Variants in SLC47A2 observed in about 807,000 individuals in gnomAD.
SLC47A2 encodes the protein multidrug and toxin extrusion protein 2.
Under a neutral mutation model 67.7 loss-of-function variants are expected in SLC47A2, and 52 were observed. The ratio of observed to expected loss-of-function variants is 0.77; its 90% CI spans 0.61 to 0.97. The LOEUF is 0.97. Among genes scored for constraint, SLC47A2 ranks in the 50% least tolerant of loss-of-function variants. The probability of loss-of-function intolerance (pLI) is 0.00; values close to 1 mark genes in which losing one functional copy is unlikely to be tolerated. For missense variants in SLC47A2, 676 were observed against 712.3 expected (o/e 0.95, Z 0.58); for synonymous variants, 278 against 292.9 (o/e 0.95, Z 0.52).
intron 11 of SLC47A2, among the ~76,000 whole-genome samples, chr17:19,703,769 G>T (rs900868436): frequency 6.6e-6 from 1 of 152,210 alleles, no homozygotes; most frequent in Admixed American, 6.5e-5. Flanking sequence ...GTCAGGGTTT[G>T]CTCTAAGGTA....
chr17:19,681,264 G>A lies in SLC47A2; in HGVS notation c.1392+103C>T, dbSNP rs147637364. On this transcript the variant is annotated intron_variant, in intron 15 of 16. Coordinates refer to ENST00000433844, the MANE Select transcript of SLC47A2 (RefSeq NM_001099646.3). The stretch of plus-strand genomic sequence containing the variant: ...CACCTGCAGCTTATACCACACTGCT[G>A]CCAAGTTCTGATGTGCTCTGGGCAT... The A allele has an allele frequency of 6.5e-6, 6 of 921,682 alleles. No homozygotes were observed. The African/African-American group carries it at 6.7e-5, about 10-fold the overall frequency. The allele number at this position is 921,682 out of a possible 1,614,324, so 57.1% of individuals were successfully genotyped here.
rs74454709 is a variant in SLC47A2 at position 19,708,332 on chromosome 17, G to A, written c.599C>T (p.Ala200Val). ...CCCCAGGTTCAGCACAGAAACCAGG[G>A]CATAGTTGGCCACACCGTTGACACA... Reference protein sequence around the residue: ...GNCVNGVANYALVSVLNLGVR... With the variant: ...GNCVNGVANYVLVSVLNLGVR... The change falls in exon 7 of 17, where the codon GCC becomes GTC. Residue 200 changes from alanine (A) to valine (V), a missense_variant. Coordinates refer to ENST00000433844, the MANE Select transcript of SLC47A2 (RefSeq NM_001099646.3). 45 of 1,613,446 alleles carry A rather than the reference G, an allele frequency of 2.8e-5. No homozygotes were observed. The East Asian group carries it at 9.4e-4, about 34-fold the overall frequency.
rs2085860180 is a variant in SLC47A2 at position 19,704,057 on chromosome 17, G to A, written c.1018+13C>T. The A allele has an allele frequency of 6.3e-7, 1 of 1,592,004 alleles. No homozygotes were observed. The highest frequency in any genetic ancestry group is 8.5e-7 in the Non-Finnish European group (1 of 1,171,348). Reference sequence around the variant, plus strand: ...CAACGTTTGAAGGCCCACCAGGAGAGGACTCCACCTACCTATGCTGAGCAC... The same window carrying A: ...CAACGTTTGAAGGCCCACCAGGAGAAGACTCCACCTACCTATGCTGAGCAC... On this transcript the variant is annotated intron_variant, in intron 11 of 16. Coordinates refer to ENST00000433844, the MANE Select transcript of SLC47A2 (RefSeq NM_001099646.3).
rs1243732459 is a variant in SLC47A2, at chr17:19,704,566, T to TAA, written c.910-390_910-389dup. 4 of 1,333,722 alleles carry TAA rather than the reference T, an allele frequency of 3.0e-6. No homozygotes were observed. In the Admixed American group the frequency reaches 8.3e-5, roughly 28 times the overall value. The allele number at this position is 1,333,722 out of a possible 1,614,324, so 82.6% of individuals were successfully genotyped here. The stretch of plus-strand genomic sequence containing the variant: ...TTTCAGCAGAAACCACTTGTAAAAA[T>TAA]AAGAATCTCTAAATTGATTTTGTAA... On this transcript the variant is annotated intron_variant, in intron 10 of 16. Coordinates refer to ENST00000433844, the MANE Select transcript of SLC47A2 (RefSeq NM_001099646.3).
At chr17:19,690,665 G>T (rs1451531453) in intron 13 of SLC47A2, among the ~76,000 whole-genome samples, 1 of 152,104 alleles carries the variant, frequency 6.6e-6, no homozygotes, top group Non-Finnish European at 1.5e-5. Flanking sequence ...CTCAAAAGAA[G>T]ACATACAAAT....
intron 13 of SLC47A2, among the ~76,000 whole-genome samples, chr17:19,695,460 G>T: frequency 7.5e-6 from 1 of 133,644 alleles, no homozygotes; most frequent in Non-Finnish European, 1.5e-5. Context: ...TCCAGCCTGG[G>T]CAACAGAGTG....
At chr17:19,702,164 AG>A (rs1270717737) in intron 13 of SLC47A2, 2 of 984,870 alleles carry the variant, frequency 2.0e-6, no homozygotes, top group Non-Finnish European at 2.4e-6. Flanking sequence ...CCTGTCCTTT[AG>A]TGATCAAAGG....
At chr17:19,686,604 A>T (rs1397214320) in intron 13 of SLC47A2, among the ~76,000 whole-genome samples, 2 of 152,226 alleles carry the variant, frequency 1.3e-5, no homozygotes, top group Non-Finnish European at 2.9e-5. Context: ...AAAGAGATGG[A>T]AAAAGATATT....
chr17:19,710,704 C>T (rs186738068), intron 5 of SLC47A2, among the ~76,000 whole-genome samples: 31 of 152,248 alleles, frequency 2.0e-4, no homozygotes, highest in African/African-American at 7.5e-4. Flanking sequence ...CTGCCCGCCT[C>T]AGCCTCCCAA....
intron 13 of SLC47A2, chr17:19,692,413 T>G (rs1210829129): frequency 2.0e-5 from 7 of 352,374 alleles, no homozygotes; most frequent in Non-Finnish European, 2.7e-5. Context: ...AAGAGCAACT[T>G]CATGCAAAGG....
intron 13 of SLC47A2, among the ~76,000 whole-genome samples, chr17:19,700,458 C>G (rs996357557): frequency 6.6e-6 from 1 of 152,174 alleles, no homozygotes; most frequent in Non-Finnish European, 1.5e-5. Flanking sequence ...GGGAGGCATA[C>G]TTAATTTCTT....
chr17:19,690,523 T>C (rs2152342764), intron 13 of SLC47A2, among the ~76,000 whole-genome samples: 1 of 152,244 alleles, frequency 6.6e-6, no homozygotes, highest in East Asian at 1.9e-4. Context: ...AAACTATCAA[T>C]CTGATGAGAG....
chr17:19,692,960 AT>A (rs2085576202), intron 13 of SLC47A2, among the ~76,000 whole-genome samples: 1 of 151,910 alleles, frequency 6.6e-6, no homozygotes, highest in Non-Finnish European at 1.5e-5. Flanking sequence ...GTGAAATCCC[AT>A]CTCTACTCAA....
chr17:19,694,137 T>C (rs1353873281), intron 13 of SLC47A2, among the ~76,000 whole-genome samples: 2 of 152,194 alleles, frequency 1.3e-5, no homozygotes, highest in Non-Finnish European at 2.9e-5. Flanking sequence ...TCTAAATAAC[T>C]AGAGACATTC....
intron 9 of SLC47A2, among the ~76,000 whole-genome samples, chr17:19,706,322 C>A (rs1389555302): frequency 3.3e-5 from 5 of 152,252 alleles, no homozygotes; most frequent in African/African-American, 1.2e-4. Context: ...GAATCTCTCA[C>A]TCCTCCGTGC....
At chr17:19,708,151 AAGGG>A (rs2085995343) in intron 7 of SLC47A2, 147 bp downstream of exon 7, 1 of 851,400 alleles carries the variant, frequency 1.2e-6, no homozygotes, top group East Asian at 2.7e-5. Flanking sequence ...TGAGGTCCCC[AAGGG>A]ACCATCAGGC....
At chr17:19,716,046 A>T (rs1384716915) in intron 1 of SLC47A2, 1 of 185,872 alleles carries the variant, frequency 5.4e-6, no homozygotes, top group African/African-American at 2.4e-5. Flanking sequence ...TGTATTTAAA[A>T]CAATTTCCCC....
chr17:19,680,976 G>A (rs1477436725), intron 15 of SLC47A2, among the ~76,000 whole-genome samples: 2 of 152,080 alleles, frequency 1.3e-5, no homozygotes, highest in African/African-American at 4.8e-5. Context: ...CACTTTGGGA[G>A]GCCAAGGTGG....
chr17:19,679,829 G>C (rs1037567529), intron 16 of SLC47A2, 123 bp downstream of exon 16: 1 of 918,618 alleles, frequency 1.1e-6, no homozygotes, highest in African/African-American at 1.7e-5. Context: ...TCATAATAAT[G>C]GGAAGAAAAA....
Sources: allele counts gnomAD v4.1 joint callset (sites outside exome capture counted in the v4.1 genomes callset), GRCh38; gene constraint gnomAD v4.1.1; transcripts MANE v1.5; gene names NCBI Gene and HGNC (gene_info 2026-07-23, HGNC 2026-07-21).